Variants in PAMR1 observed in about 807,000 individuals in gnomAD.
PAMR1 encodes the protein inactive serine protease PAMR1.
A neutral mutation model predicts 81.8 loss-of-function variants in PAMR1; 88 were observed. That is an observed-to-expected ratio of 1.08 (90% CI 0.91 to 1.28). The LOEUF (loss-of-function observed/expected upper bound fraction) is 1.28. Among genes scored for constraint, PAMR1 ranks in the 50% most tolerant of loss-of-function variants. The pLI is 0.00. For synonymous variants in PAMR1, 336 were observed against 345.3 expected, an observed-to-expected ratio of 0.97 and a Z score of 0.30; for missense variants, 935 against 919.7, an observed-to-expected ratio of 1.02 and a Z score of -0.21.
intron 6 of PAMR1, among the ~76,000 whole-genome samples, chr11:35,458,729 T>G (rs1354409530): frequency 3.3e-5 from 5 of 152,244 alleles, no homozygotes; most frequent in Non-Finnish European, 2.9e-5. Flanking sequence ...AAACAACTTG[T>G]GACAGAATTT....
chr11:35,526,001 G>A (rs949664577), upstream of PAMR1: 21 of 203,962 alleles, frequency 1.0e-4, no homozygotes, highest in Non-Finnish European at 1.7e-4. Context: ...ATCTTCCTAC[G>A]GGAGGCTGAG....
chr11:35,476,484 C>T (rs1444987560), intron 3 of PAMR1, among the ~76,000 whole-genome samples: 1 of 152,152 alleles, frequency 6.6e-6, no homozygotes, highest in Non-Finnish European at 1.5e-5. Flanking sequence ...CTCTCTCCTG[C>T]TGCCATGTGA....
chr11:35,449,011 C>A (rs1252187277), intron 6 of PAMR1, among the ~76,000 whole-genome samples: 1 of 152,250 alleles, frequency 6.6e-6, no homozygotes, highest in Non-Finnish European at 1.5e-5. Flanking sequence ...CCTGCTCCTT[C>A]CTCCAGGAGC....
intron 5 of PAMR1, among the ~76,000 whole-genome samples, chr11:35,470,233 C>A (rs1301005600): frequency 1.2e-4 from 18 of 152,296 alleles, no homozygotes. Context: ...ATAGCTTGAT[C>A]TGTCAGGGAT....
chr11:35,515,400 GT>G (rs1851143644), intron 1 of PAMR1, among the ~76,000 whole-genome samples: 1 of 152,232 alleles, frequency 6.6e-6, no homozygotes, highest in African/African-American at 2.4e-5. Flanking sequence ...TGATGCATTT[GT>G]AATGGTATGT....
chr11:35,504,528 G>C (rs1336901690), intron 1 of PAMR1, among the ~76,000 whole-genome samples: 2 of 151,962 alleles, frequency 1.3e-5, no homozygotes, highest in African/African-American at 4.8e-5. Flanking sequence ...TCTTTGATGG[G>C]AGACTTTTTA....
At chr11:35,517,890 G>T (rs1032645911) in intron 1 of PAMR1, among the ~76,000 whole-genome samples, 2 of 152,202 alleles carry the variant, frequency 1.3e-5, no homozygotes, top group African/African-American at 2.4e-5. Context: ...ATGGACATGG[G>T]AGCATGTGTG....
chr11:35,444,982 T>G lies in PAMR1; in HGVS notation c.821-3289A>C, dbSNP rs10128654. ...TTTTCCTATCCATGAGCGTGGAATGTTTTTCCATTTGTTTGTGTCCTCTCT... is the reference window on the plus strand; with the variant it reads ...TTTTCCTATCCATGAGCGTGGAATGGTTTTCCATTTGTTTGTGTCCTCTCT... On this transcript the variant is annotated intron_variant, in intron 6 of 10. Coordinates refer to ENST00000619888, the MANE Select transcript of PAMR1 (RefSeq NM_001001991.3). Among the ~76,000 whole-genome samples, 949 of 152,336 alleles carry G rather than the reference T, an allele frequency of 6.2e-3. 9 individuals carry two copies. Among genetic ancestry groups the G allele is most frequent in the African/African-American group, 0.022 (908 of 41,570 alleles).
At chr11:35,442,118 T>C (rs2135343111) in intron 6 of PAMR1, among the ~76,000 whole-genome samples, 1 of 152,350 alleles carries the variant, frequency 6.6e-6, no homozygotes, top group Middle Eastern at 3.4e-3. Flanking sequence ...CCATTTCCTA[T>C]TTGTATTGTA....
chr11:35,513,508 T>C (rs535731133), intron 1 of PAMR1: 12 of 152,330 alleles, frequency 7.9e-5, no homozygotes, highest in South Asian at 6.2e-4. Flanking sequence ...TAAACTTACA[T>C]GGAGAGCTTG....
intron 1 of PAMR1, among the ~76,000 whole-genome samples, chr11:35,498,818 G>A (rs913967255): frequency 4.6e-5 from 7 of 152,144 alleles, no homozygotes; most frequent in East Asian, 1.9e-4. Flanking sequence ...CGTAAATGAC[G>A]CCTGTTCAGA....
chr11:35,481,970 T>C (rs898116161), intron 3 of PAMR1, among the ~76,000 whole-genome samples: 2 of 152,220 alleles, frequency 1.3e-5, no homozygotes. Flanking sequence ...AAAAATTTTC[T>C]CCAATTCTGT....
At chr11:35,452,095 A>G (rs552210527) in intron 6 of PAMR1, among the ~76,000 whole-genome samples, 2 of 152,244 alleles carry the variant, frequency 1.3e-5, no homozygotes, top group Admixed American at 1.3e-4. Context: ...TTGTTATCTA[A>G]CACTACTCAA....
At chr11:35,503,891 C>A (rs899138785) in intron 1 of PAMR1, among the ~76,000 whole-genome samples, 3 of 152,090 alleles carry the variant, frequency 2.0e-5, no homozygotes, top group Non-Finnish European at 4.4e-5. Flanking sequence ...CTGGCCAAGA[C>A]TCCCAGTATT....
Position 35,432,357 on chromosome 11 carries a change from C to T in PAMR1, c.2162G>A (p.Ter721=), listed in dbSNP as rs1855924453. ...TCTCAAGGAGTGCATGAGCATGGTT[C>T]ATTTCATATTTCTTTCAATCCAGTC... is the stretch of plus-strand genomic sequence containing the variant. ...FKDWIERNMK[*] The change falls in exon 11 of 11, where the codon TGA becomes TAA. Residue 721 remains the stop codon, a stop_retained_variant. Coordinates refer to ENST00000619888, the MANE Select transcript of PAMR1 (RefSeq NM_001001991.3). 1 of 1,608,804 alleles carries T rather than the reference C, an allele frequency of 6.2e-7. No homozygotes were observed. The highest frequency in any genetic ancestry group is 1.3e-5 in the African/African-American group (1 of 74,914).
chr11:35,436,548 G>C (rs1856049629), intron 8 of PAMR1, among the ~76,000 whole-genome samples: 1 of 152,110 alleles, frequency 6.6e-6, no homozygotes, highest in Non-Finnish European at 1.5e-5. Flanking sequence ...GCCTCCCAAA[G>C]TGCTGGGATT....
chr11:35,432,570 G>T lies in PAMR1; in HGVS notation c.1949C>A (p.Ala650Asp). The T allele has an allele frequency of 1.2e-6, 2 of 1,614,182 alleles. No homozygotes were observed. The highest frequency in any genetic ancestry group is 1.7e-6 in the Non-Finnish European group (2 of 1,180,014). ...PVSVTDNMFC[A>D]SWEPTAPSDI... ...AGAAGGGGCAGTGGGTTCCCAGCTG[G>T]CACAGAACATGTTATCAGTGACACT... The change falls in exon 11 of 11, where the codon GCC becomes GAC. Residue 650 changes from alanine to aspartate, a missense_variant. Coordinates refer to ENST00000619888, the MANE Select transcript of PAMR1 (RefSeq NM_001001991.3).
chr11:35,521,266 T>C (rs745914996), intron 1 of PAMR1, among the ~76,000 whole-genome samples: 2 of 152,198 alleles, frequency 1.3e-5, no homozygotes, highest in Admixed American at 6.5e-5. Context: ...AAAAGTCTGA[T>C]GTACCAGATG....
In PAMR1 at chr11:35,452,809, A is replaced by G. The variant is rs192616238; in HGVS notation, c.821-11116T>C. On this transcript the variant is annotated intron_variant, in intron 6 of 10. Transcript: ENST00000619888. ...TTTTATGTGTTCCCATAGTCTCACC[A>G]CCCCATAAAAATCTCTTTAATATCT... is the stretch of plus-strand genomic sequence containing the variant. Among the ~76,000 whole-genome samples, 743 of 152,202 alleles carry G rather than the reference A, an allele frequency of 4.9e-3. 6 individuals carry two copies. The highest frequency in any genetic ancestry group is 0.041 in the Middle Eastern group (12 of 294).
Sources: gnomAD v4.1 joint callset for allele counts (sites outside exome capture counted in the v4.1 genomes callset) on GRCh38, gnomAD v4.1.1 for gene constraint, MANE v1.5 for transcripts, NCBI Gene and HGNC (gene_info 2026-07-23, HGNC 2026-07-21) for gene names.